CCDC7: variants seen among roughly 807,000 people sequenced by gnomAD.
The protein encoded by CCDC7 is coiled-coil domain containing 7.
Under a neutral mutation model 196.9 loss-of-function variants are expected in CCDC7, and 183 were observed. That is an observed-to-expected ratio of 0.93 (90% CI 0.82 to 1.05). The LOEUF (loss-of-function observed/expected upper bound fraction) is 1.05, where lower values mean the gene tolerates loss of function less well. Among genes scored for constraint, CCDC7 ranks in the 50% least tolerant of loss-of-function variants. The probability of loss-of-function intolerance (pLI) is 0.00; values close to 1 mark genes in which losing one functional copy is unlikely to be tolerated. For synonymous variants in CCDC7, 525 were observed against 484.6 expected (o/e 1.08, Z -1.10); for missense variants, 1,540 against 1,482.2 (o/e 1.04, Z -0.64).
chr10:32,580,163 C>G (rs1590131664), intron 16 of CCDC7, among the ~76,000 whole-genome samples: 1 of 151,784 alleles, frequency 6.6e-6, no homozygotes, highest in South Asian at 2.1e-4. Context: ...TTTCTTTTAT[C>G]CTATATAATT....
At position 32,512,186 on chromosome 10, in the gene CCDC7, T is replaced by C. The variant is rs185621091; in HGVS notation, c.873-5759T>C. ...ATGGTTTGTGAAGATATGATTCCTT[T>C]TTGGTGAACAGAATGCTTAGAACTA... is the stretch of plus-strand genomic sequence containing the variant. On this transcript the variant is annotated intron_variant, in intron 9 of 41. Transcript: ENST00000639629. 42 of 166,232 alleles carry C rather than the reference T, an allele frequency of 2.5e-4. No individual in the cohort carries two copies. The East Asian group carries it at 6.9e-3, about 27-fold the overall frequency. The allele number at this position is 166,232 out of a possible 1,614,324, so 10.3% of individuals were successfully genotyped here.
At chr10:32,572,866 CT>C (rs576270039) in intron 16 of CCDC7, among the ~76,000 whole-genome samples, 462 of 90,376 alleles carry the variant, frequency 5.1e-3, no homozygotes, top group African/African-American at 0.013. Context: ...AAGCATGGTG[CT>C]TTTTTTTTTT....
chr10:32,459,221 T>A (rs1381061284), intron 3 of CCDC7, among the ~76,000 whole-genome samples: 8 of 152,184 alleles, frequency 5.3e-5, no homozygotes, highest in Admixed American at 5.2e-4. Context: ...TATATAATCA[T>A]GTTGTCTGCA....
At chr10:32,855,470 T>C (rs913622789) in intron 41 of CCDC7, among the ~76,000 whole-genome samples, 1 of 152,182 alleles carries the variant, frequency 6.6e-6, no homozygotes, top group African/African-American at 2.4e-5. Flanking sequence ...GGTGGTCCCA[T>C]CTGGGGGTGA....
At chr10:32,513,765 A>T (rs1324627793) in intron 9 of CCDC7, 1 of 152,206 alleles carries the variant, frequency 6.6e-6, no homozygotes, top group East Asian at 1.9e-4. Flanking sequence ...TCAGTTCGCT[A>T]GATTCAGTAA....
intron 28 of CCDC7, among the ~76,000 whole-genome samples, chr10:32,756,541 C>A (rs1470555439): frequency 6.6e-6 from 1 of 152,130 alleles, no homozygotes; most frequent in Non-Finnish European, 1.5e-5. Context: ...CCTTTACAGA[C>A]AAGCAAATGC....
chr10:32,500,578 G>T (rs910854660), intron 9 of CCDC7, among the ~76,000 whole-genome samples: 3 of 151,840 alleles, frequency 2.0e-5, no homozygotes, highest in Non-Finnish European at 4.4e-5. Flanking sequence ...CGGCCGGGCA[G>T]AGGGGCTCCT....
chr10:32,613,432 A>G (rs1590609539), intron 18 of CCDC7, among the ~76,000 whole-genome samples: 2 of 152,130 alleles, frequency 1.3e-5, no homozygotes, highest in East Asian at 3.9e-4. Context: ...CTCTGATGTT[A>G]GTAATTTCTT....
chr10:32,604,583 T>C (rs560114324), intron 18 of CCDC7, among the ~76,000 whole-genome samples: 1 of 152,312 alleles, frequency 6.6e-6, no homozygotes, highest in Non-Finnish European at 1.5e-5. Flanking sequence ...AGTTTTTGTA[T>C]TCTCTTCAAT....
intron 29 of CCDC7, among the ~76,000 whole-genome samples, chr10:32,793,350 A>G (rs903584989): frequency 6.6e-6 from 1 of 152,340 alleles, no homozygotes; most frequent in South Asian, 2.1e-4. Context: ...AAGGGAGGAC[A>G]TGGAATTATT....
chr10:32,518,170 ACT>A (rs2047342417), intron 10 of CCDC7, among the ~76,000 whole-genome samples, 195 bp downstream of exon 11: 3 of 152,020 alleles, frequency 2.0e-5, no homozygotes, highest in African/African-American at 7.2e-5. Flanking sequence ...TCACTCAGAA[ACT>A]CTTCACTTCT....
At chr10:32,589,894 T>C (rs1226201180) in intron 18 of CCDC7, among the ~76,000 whole-genome samples, 1 of 152,166 alleles carries the variant, frequency 6.6e-6, no homozygotes, top group Non-Finnish European at 1.5e-5. Context: ...TTGGTTTCCA[T>C]TTGCATGGAA....
intron 13 of CCDC7, among the ~76,000 whole-genome samples, chr10:32,558,923 G>A (rs2054838378): frequency 6.6e-6 from 1 of 152,202 alleles, no homozygotes. Context: ...GTCAAAGAAA[G>A]GGGTGACAGA....
chr10:32,847,726 AG>A, intron 37 of CCDC7, 106 bp from the exon 39 acceptor site: 1 of 677,538 alleles, frequency 1.5e-6, no homozygotes. Context: ...AAAAAAAAAA[AG>A]GAAAAGAAAA....
intron 21 of CCDC7, among the ~76,000 whole-genome samples, chr10:32,681,325 C>A (rs1163843407): frequency 6.6e-6 from 1 of 152,084 alleles, no homozygotes; most frequent in Non-Finnish European, 1.5e-5. Flanking sequence ...TGAGTCAGAA[C>A]TGAGAAAAGT....
At chr10:32,629,776 C>A (rs2064581314) in intron 18 of CCDC7, among the ~76,000 whole-genome samples, 1 of 152,136 alleles carries the variant, frequency 6.6e-6, no homozygotes, top group Non-Finnish European at 1.5e-5. Context: ...AGAGAAGGCA[C>A]AGAGGGTGCC....
At chr10:32,453,024 C>A (rs900399024) in intron 1 of CCDC7, among the ~76,000 whole-genome samples, 18 of 152,248 alleles carry the variant, frequency 1.2e-4, no homozygotes, top group Non-Finnish European at 2.6e-4. Flanking sequence ...AAAGTCAAGG[C>A]AGACTTTGAG....
chr10:32,830,012 G>A, intron 32 of CCDC7, among the ~76,000 whole-genome samples: 1 of 149,828 alleles, frequency 6.7e-6, no homozygotes, highest in East Asian at 2.0e-4. Flanking sequence ...GACTTGACTG[G>A]CTCTCCTTGT....
At chr10:32,626,321 G>A (rs1298620755) in intron 18 of CCDC7, among the ~76,000 whole-genome samples, 1 of 151,976 alleles carries the variant, frequency 6.6e-6, no homozygotes, top group Non-Finnish European at 1.5e-5. Context: ...AATTAATGAT[G>A]TTGAGCTTTA....
Sources: gnomAD v4.1 joint callset for allele counts (sites outside exome capture counted in the v4.1 genomes callset) on GRCh38, gnomAD v4.1.1 for gene constraint, MANE v1.5 for transcripts, NCBI Gene and HGNC (gene_info 2026-07-23, HGNC 2026-07-21) for gene names.